The following IFI16 variants were observed in gnomAD, a reference collection of about 807,000 sequenced individuals.
IFI16 encodes interferon gamma inducible protein 16.
Under a neutral mutation model 68.4 loss-of-function variants are expected in IFI16, and 49 were observed. That is an observed-to-expected ratio of 0.72 (90% CI 0.57 to 0.91). The LOEUF is 0.91. IFI16 is among the 40% of genes least tolerant of loss of function. IFI16 has a pLI of 0.00. For synonymous variants in IFI16, 307 were observed against 315.0 expected (o/e 0.97, Z 0.27); for missense variants, 878 against 942.9 (o/e 0.93, Z 0.90).
chr1:159,051,777 A>G lies in IFI16; in HGVS notation c.1764A>G (p.Ser588=). 6.2e-7 allele frequency: 1 copy of G among 1,614,136 alleles called. No individual in the cohort carries two copies. Among genetic ancestry groups the G allele is most frequent in the South Asian group, 1.1e-5 (1 of 91,086 alleles). ...KEVMVLNATE[S]FVYEPKEQKK... ...TGATGGTGCTGAACGCAACAGAATCATTTGTATATGAGCCCAAAGAGCAGA... is the reference window on the plus strand; with the variant it reads ...TGATGGTGCTGAACGCAACAGAATCGTTTGTATATGAGCCCAAAGAGCAGA... The change falls in exon 10 of 12, where the codon TCA becomes TCG. Residue 588 remains serine, a synonymous_variant. Transcript: ENST00000295809.
chr1:159,030,876 T>TGTG (rs1553209150), intron 6 of IFI16, among the ~76,000 whole-genome samples: 16,211 of 148,564 alleles, frequency 0.11, 1,334 homozygotes, highest in East Asian at 0.37. Flanking sequence ...AGGTGGTGGG[T>TGTG]GGGGGGGCCA....
intron 6 of IFI16, among the ~76,000 whole-genome samples, chr1:159,028,801 T>C (rs1298684151): frequency 1.3e-5 from 2 of 152,110 alleles, no homozygotes; most frequent in Non-Finnish European, 2.9e-5. Flanking sequence ...GTTTGTTTTT[T>C]GGTGTCCATT....
chr1:159,018,839 C>A (rs1653112643), intron 5 of IFI16, among the ~76,000 whole-genome samples, 188 bp downstream of exon 5: 1 of 152,106 alleles, frequency 6.6e-6, no homozygotes, highest in Non-Finnish European at 1.5e-5. Context: ...TATTTCTTTC[C>A]CATGTTCTCC....
chr1:159,018,369 T>C lies in IFI16; in HGVS notation c.690T>C (p.His230=), dbSNP rs1362738706. The change falls in exon 5 of 12, where the codon CAT becomes CAC. Residue 230 remains histidine (H), a synonymous_variant. Transcript: ENST00000295809. Reference sequence around the variant, plus strand: ...AAATGGAGAAAAAAATAATGTTTCATGCTACAGTGGCTACACAGACACAGT... The same window carrying C: ...AAATGGAGAAAAAAATAATGTTTCACGCTACAGTGGCTACACAGACACAGT... ...TPEMEKKIMF[H]ATVATQTQFF... 2 of 1,614,200 alleles carry C rather than the reference T, an allele frequency of 1.2e-6. No homozygotes were observed. The highest frequency in any genetic ancestry group is 1.6e-4 in the Middle Eastern group (1 of 6,062).
intron 3 of IFI16, among the ~76,000 whole-genome samples, 163 bp downstream of exon 3, chr1:159,016,150 C>T (rs1652910657): frequency 6.6e-6 from 1 of 152,142 alleles, no homozygotes; most frequent in Admixed American, 6.5e-5. Flanking sequence ...ATGCTCAAAG[C>T]AATGCACCAA....
rs377574200 is a variant in IFI16 at position 159,044,576 on chromosome 1, G to A, written c.1330-721G>A. On this transcript the variant is annotated intron_variant, in intron 7 of 11. Coordinates refer to ENST00000295809, the MANE Select transcript of IFI16 (RefSeq NM_001376587.1). The stretch of plus-strand genomic sequence containing the variant: ...ACTGCTAAAATAATGTGCCACATTG[G>A]CCAAATAGGATGAATATTTTTTGGA... 7.2e-5 allele frequency among the ~76,000 whole-genome samples: 11 copies of A among 152,252 alleles called. No homozygotes were observed. In the East Asian group the frequency reaches 1.7e-3, roughly 24 times the overall value.
chr1:159,016,020 C>A, intron 3 of IFI16, 33 bp downstream of exon 3: 1 of 1,394,030 alleles, frequency 7.2e-7, no homozygotes. Context: ...GGCTTCAAGT[C>A]CCACAGAGGA....
chr1:159,051,627 CCCTGTTTTT>C (rs1252313978), intron 9 of IFI16, 43 bp from the exon 10 acceptor site: 1 of 1,424,844 alleles, frequency 7.0e-7, no homozygotes, highest in Non-Finnish European at 9.7e-7. Context: ...TAGAGAATGA[CCCTGTTTTT>C]CCTGTTTTAA....
chr1:159,016,551 A>G lies in IFI16; in HGVS notation c.400A>G (p.Lys134Glu). 6.2e-7 allele frequency: 1 copy of G among 1,602,112 alleles called. No individual in the cohort carries two copies. Reference sequence around the variant, plus strand: ...CTTTCAGAAAAGAAAAAAATCAACCAAAGAAAAGGCTGGACCCAAAGGGAG... The same window carrying G: ...CTTTCAGAAAAGAAAAAAATCAACCGAAGAAAAGGCTGGACCCAAAGGGAG... ...PGAQKRKKST[K>E]EKAGPKGSKV... The change falls in exon 4 of 12, where the codon AAA becomes GAA. Residue 134 changes from lysine to glutamate, a missense_variant. This residue lies in a region of IFI16 where 443 missense variants were observed against 421.8 expected (regional missense o/e 1.05). Coordinates refer to ENST00000295809, the MANE Select transcript of IFI16 (RefSeq NM_001376587.1).
At chr1:159,035,677 G>C (rs979625383) in intron 7 of IFI16, among the ~76,000 whole-genome samples, 1 of 152,034 alleles carries the variant, frequency 6.6e-6, no homozygotes, top group Admixed American at 6.6e-5. Context: ...CTGATCATAG[G>C]GTTTCCCAAA....
chr1:159,010,230 G>T (rs1254630936), intron 1 of IFI16, 69 bp downstream of exon 1: 1 of 152,160 alleles, frequency 6.6e-6, no homozygotes, highest in Non-Finnish European at 1.5e-5. Context: ...ATCACAAGGG[G>T]ACAATCAGTA....
chr1:159,051,871 C>T lies in IFI16; in HGVS notation c.1858C>T (p.Leu620=), dbSNP rs771261186. The T allele has an allele frequency of 1.5e-5, 24 of 1,614,056 alleles. No homozygotes were observed. The highest frequency in any genetic ancestry group is 1.7e-5 in the Non-Finnish European group (20 of 1,179,924). Residue 620 remains leucine (L), a synonymous_variant, in exon 10 of 12, where the codon CTA becomes TTA. Transcript: ENST00000295809. ...VFRVKVFNID[L]KEKFTPKKII... ...CCGAGTGAAGGTTTTTAATATTGAC[C>T]TAAAGGAGAAGTTCACCCCAAAGAA...
upstream of IFI16, among the ~76,000 whole-genome samples, chr1:159,001,345 C>G (rs560589912): frequency 5.9e-5 from 9 of 152,126 alleles, no homozygotes; most frequent in Non-Finnish European, 8.8e-5. Flanking sequence ...CTGAAGATAA[C>G]CAACTGTGAC....
intron 6 of IFI16, among the ~76,000 whole-genome samples, chr1:159,031,072 T>C (rs1388204645): frequency 1.3e-5 from 2 of 152,150 alleles, no homozygotes; most frequent in Non-Finnish European, 2.9e-5. Flanking sequence ...AAGGGAATTA[T>C]GGCTGCCTCT....
chr1:159,002,640 T>C (rs141791945), upstream of IFI16, among the ~76,000 whole-genome samples: 3 of 152,394 alleles, frequency 2.0e-5, no homozygotes, highest in South Asian at 2.1e-4. Context: ...ATAGTATAAA[T>C]GCTGTTGCTA....
In IFI16 at chr1:159,016,579, A is replaced by T. The variant is rs1252138657; in HGVS notation, c.428A>T (p.Lys143Met). The T allele has an allele frequency of 6.2e-7, 1 of 1,614,040 alleles. No homozygotes were observed. Among genetic ancestry groups the T allele is most frequent in the Non-Finnish European group, 8.5e-7 (1 of 1,180,010 alleles). ...TKEKAGPKGS[K>M]VSEEQTQPPS... The stretch of plus-strand genomic sequence containing the variant: ...GAAAAGGCTGGACCCAAAGGGAGTA[A>T]GGTGTCCGAGGAACAGACTCAGCCT... Residue 143 changes from lysine to methionine, a missense_variant, in exon 4 of 12, where the codon AAG (lysine) becomes ATG (methionine). Lys to Met is a moderately conservative substitution (Grantham distance 95). This residue lies in a region of IFI16 where 443 missense variants were observed against 421.8 expected (regional missense o/e 1.05). Transcript: ENST00000295809.
chr1:159,050,166 T>G (rs2101926925), intron 9 of IFI16, among the ~76,000 whole-genome samples: 1 of 152,356 alleles, frequency 6.6e-6, no homozygotes. Context: ...TTTTTATTAA[T>G]ATATCGTGAA....
At chr1:159,010,305 T>A (rs1652468497) in intron 1 of IFI16, 144 bp downstream of exon 1, 1 of 152,186 alleles carries the variant, frequency 6.6e-6, no homozygotes, top group Non-Finnish European at 1.5e-5. Context: ...GAAAACTGAG[T>A]TGCTTGATAT....
intron 7 of IFI16, among the ~76,000 whole-genome samples, chr1:159,039,952 G>A (rs1025805884): frequency 1.3e-5 from 2 of 152,178 alleles, no homozygotes; most frequent in African/African-American, 2.4e-5. Flanking sequence ...TGCTGAAGAG[G>A]TACAAATTAG....
Sources: allele counts gnomAD v4.1 joint callset (sites outside exome capture counted in the v4.1 genomes callset), GRCh38; gene constraint gnomAD v4.1.1; regional missense constraint gnomAD v4.1.1; transcripts MANE v1.5; gene names NCBI Gene and HGNC (gene_info 2026-07-23, HGNC 2026-07-21).